DOCK5: variants seen among roughly 807,000 people sequenced by gnomAD.
DOCK5 encodes dedicator of cytokinesis 5.
In DOCK5, 142 loss-of-function variants were observed where a neutral mutation model predicts 251.8. The observed-to-expected ratio is 0.56, with a 90% CI of 0.49 to 0.65. DOCK5 has a LOEUF of 0.65. Ranked by LOEUF, DOCK5 falls within the 30% of genes least tolerant of loss-of-function variation. DOCK5 has a pLI of 0.00. For synonymous variants in DOCK5, 842 were observed against 835.5 expected (o/e 1.01, Z -0.13); for missense variants, 2,111 against 2,312.3 (o/e 0.91, Z 1.79).
At chr8:25,376,261 G>C in intron 37 of DOCK5, 1 of 985,284 alleles carries the variant, frequency 1.0e-6, no homozygotes, top group South Asian at 4.7e-5. Context: ...CTCCTATCCT[G>C]GTGTAAGATA....
At chr8:25,333,204 A>G (rs2468895) in intron 20 of DOCK5, among the ~76,000 whole-genome samples, 126,946 of 152,208 alleles carry the variant, frequency 0.83, 53,952 homozygotes, top group East Asian at 0.93. Context: ...TGGGAAAGCC[A>G]GAGGTGAGGG....
At chr8:25,239,708 G>T (rs945552700) in intron 1 of DOCK5, among the ~76,000 whole-genome samples, 1 of 152,174 alleles carries the variant, frequency 6.6e-6, no homozygotes, top group Non-Finnish European at 1.5e-5. Context: ...AGTTACCCAT[G>T]AGAAAGTCTA....
At chr8:25,269,132 C>T (rs1803840633) in intron 3 of DOCK5, among the ~76,000 whole-genome samples, 1 of 152,186 alleles carries the variant, frequency 6.6e-6, no homozygotes, top group African/African-American at 2.4e-5. Flanking sequence ...TTCTTGCTTC[C>T]TGTCCCTCAA....
intron 5 of DOCK5, 74 bp from the exon 6 acceptor site, chr8:25,291,950 A>C: frequency 7.3e-7 from 1 of 1,369,752 alleles, no homozygotes; most frequent in Non-Finnish European, 9.7e-7. Flanking sequence ...ACAAACAAAT[A>C]AAAAAAGGAT....
At position 25,409,178 on chromosome 8, in the gene DOCK5, G is replaced by A. The variant is rs182600333; in HGVS notation, c.5404+238G>A. 8.5e-5 allele frequency among the ~76,000 whole-genome samples: 13 copies of A among 152,224 alleles called. No individual in the cohort carries two copies. In the East Asian group the frequency reaches 2.5e-3, roughly 29 times the overall value. On this transcript the variant is annotated intron_variant, in intron 50 of 51. Transcript: ENST00000276440. ...TTAGTGTCAGTTTTATAATTGTGAA[G>A]GTATAAATGAGGCAGATCTGCACTA...
chr8:25,291,811 T>G (rs1168071991), intron 5 of DOCK5, among the ~76,000 whole-genome samples: 9 of 145,324 alleles, frequency 6.2e-5, no homozygotes, highest in African/African-American at 2.3e-4. Flanking sequence ...AGGCAGAGGT[T>G]GTAGTGAGCC....
chr8:25,230,214 T>TAGTA (rs1802634426), intron 1 of DOCK5, among the ~76,000 whole-genome samples: 1 of 152,158 alleles, frequency 6.6e-6, no homozygotes, highest in Non-Finnish European at 1.5e-5. Context: ...GGCTCACATA[T>TAGTA]AGTAATGCAG....
chr8:25,195,607 A>G (rs1801703633), intron 1 of DOCK5, among the ~76,000 whole-genome samples: 1 of 152,106 alleles, frequency 6.6e-6, no homozygotes, highest in Non-Finnish European at 1.5e-5. Flanking sequence ...GGACCTTGGC[A>G]CTTACTCCTC....
At chr8:25,331,801 TAG>T (rs59239520) in intron 18 of DOCK5, among the ~76,000 whole-genome samples, 7,002 of 117,900 alleles carry the variant, frequency 0.059, 242 homozygotes, top group African/African-American at 0.13. Context: ...TATATATATA[TAG>T]AGAGAGAGAG....
chr8:25,300,279 C>T (rs183648963), intron 8 of DOCK5, among the ~76,000 whole-genome samples: 437 of 152,314 alleles, frequency 2.9e-3, no homozygotes, highest in African/African-American at 9.8e-3. Flanking sequence ...CAACCCAGAC[C>T]GTAGCATCCC....
At chr8:25,241,099 A>G (rs1258909986) in intron 1 of DOCK5, among the ~76,000 whole-genome samples, 1 of 152,196 alleles carries the variant, frequency 6.6e-6, no homozygotes, top group African/African-American at 2.4e-5. Flanking sequence ...AGCTCCTCTC[A>G]AAATCCTTAT....
chr8:25,395,608 CTG>C lies in DOCK5; in HGVS notation c.4597_4598del (p.Val1533SerfsTer34), dbSNP rs1489626314. 1.2e-6 allele frequency: 2 copies of C among 1,613,702 alleles called. No homozygotes were observed. Among genetic ancestry groups the C allele is most frequent in the Non-Finnish European group, 1.7e-6 (2 of 1,179,854 alleles). Reference sequence around the variant, plus strand: ...AGCTGACCAACGAGAGGATCAGCAACTGTGTTCAGCAGCATGCCTGGGACCGG... The same window carrying C: ...AGCTGACCAACGAGAGGATCAGCAACTGTTCAGCAGCATGCCTGGGACCGG... ...MELTNERISN[C>X]VQQHAWDRSL... On this transcript the variant is annotated frameshift_variant, in exon 45 of 52. Transcript: ENST00000276440. LOFTEE classifies it high-confidence loss of function.
chr8:25,277,014 C>A (rs147861967), intron 4 of DOCK5: 2 of 152,254 alleles, frequency 1.3e-5, no homozygotes, highest in East Asian at 3.9e-4. Context: ...ACATGTTTTA[C>A]TTTGTGTGGG....
chr8:25,368,324 T>G (rs758914506), intron 32 of DOCK5, 74 bp downstream of exon 32: 22 of 1,391,102 alleles, frequency 1.6e-5, no homozygotes, highest in Non-Finnish European at 2.2e-5. Flanking sequence ...GTCTTTTTTT[T>G]ATTTTAATCC....
intron 1 of DOCK5, among the ~76,000 whole-genome samples, chr8:25,205,420 C>T (rs1364747890): frequency 6.6e-6 from 1 of 152,178 alleles, no homozygotes; most frequent in Non-Finnish European, 1.5e-5. Flanking sequence ...TGTTAGAAAA[C>T]ACATTTCTGT....
At chr8:25,184,974 C>G in intron 1 of DOCK5, 23 bp downstream of exon 1, 1 of 1,355,394 alleles carries the variant, frequency 7.4e-7, no homozygotes, top group Non-Finnish European at 9.6e-7. Flanking sequence ...CCCACCTTGT[C>G]CCGGCCCGAC....
At chr8:25,309,329 A>G (rs181482121) in intron 12 of DOCK5, among the ~76,000 whole-genome samples, 1 of 152,054 alleles carries the variant, frequency 6.6e-6, no homozygotes, top group Non-Finnish European at 1.5e-5. Context: ...GACTACAGAC[A>G]TGTACCACCA....
At chr8:25,395,362 C>T (rs1172340362) in intron 44 of DOCK5, among the ~76,000 whole-genome samples, 181 bp from the exon 45 acceptor site, 2 of 152,136 alleles carry the variant, frequency 1.3e-5, no homozygotes, top group East Asian at 1.9e-4. Context: ...TAATAGGCCA[C>T]GGACTGATAC....
chr8:25,385,654 C>T (rs551750071), intron 40 of DOCK5, among the ~76,000 whole-genome samples: 1 of 152,224 alleles, frequency 6.6e-6, no homozygotes, highest in South Asian at 2.1e-4. Flanking sequence ...TCAAAACGAA[C>T]CAAAATCTTG....
Sources: allele counts gnomAD v4.1 joint callset (sites outside exome capture counted in the v4.1 genomes callset), GRCh38; gene constraint gnomAD v4.1.1; transcripts MANE v1.5; gene names NCBI Gene and HGNC (gene_info 2026-07-23, HGNC 2026-07-21).